PCDH9: variants seen among roughly 807,000 people sequenced by gnomAD.
PCDH9 encodes the protein protocadherin-9.
In PCDH9, 24 loss-of-function variants were observed where a neutral mutation model predicts 70.6. The observed-to-expected ratio is 0.34, with a 90% CI of 0.25 to 0.48. The LOEUF (loss-of-function observed/expected upper bound fraction) is 0.48. Among genes scored for constraint, PCDH9 ranks in the 20% least tolerant of loss-of-function variants. The pLI, the probability that PCDH9 is intolerant of heterozygous loss-of-function variation, is 0.99. For missense variants in PCDH9, 1,281 were observed against 1,503.6 expected (o/e 0.85, Z 2.45); for synonymous variants, 562 against 558.5 (o/e 1.01, Z -0.09).
chr13:67,076,275 T>C (rs536940878), intron 2 of PCDH9, among the ~76,000 whole-genome samples: 1 of 152,250 alleles, frequency 6.6e-6, no homozygotes, highest in African/African-American at 2.4e-5. Flanking sequence ...ATATGGAGAT[T>C]TAGCATAGTA....
chr13:66,423,366 CAA>C (rs140963895), intron 4 of PCDH9, among the ~76,000 whole-genome samples: 7 of 138,570 alleles, frequency 5.1e-5, no homozygotes, highest in African/African-American at 5.4e-5. Flanking sequence ...AGAGACACAG[CAA>C]AAAAAAAAAA....
intron 3 of PCDH9, among the ~76,000 whole-genome samples, chr13:66,877,421 C>T (rs2081836097): frequency 6.7e-6 from 1 of 150,046 alleles, no homozygotes; most frequent in South Asian, 2.1e-4. Context: ...AAACCTCAAA[C>T]TTTCAAAGGT....
At chr13:66,448,915 A>T (rs1273620607) in intron 4 of PCDH9, among the ~76,000 whole-genome samples, 1 of 152,136 alleles carries the variant, frequency 6.6e-6, no homozygotes, top group Non-Finnish European at 1.5e-5. Flanking sequence ...GATCATGCAA[A>T]CTTAGCCACA....
At chr13:66,328,210 T>C (rs1955879666) in intron 4 of PCDH9, among the ~76,000 whole-genome samples, 1 of 152,188 alleles carries the variant, frequency 6.6e-6, no homozygotes, top group South Asian at 2.1e-4. Context: ...CAAAATTCTT[T>C]ACCAGATTAT....
intron 3 of PCDH9, among the ~76,000 whole-genome samples, chr13:66,650,028 A>G (rs945732975): frequency 2.6e-5 from 4 of 151,940 alleles, no homozygotes; most frequent in African/African-American, 9.7e-5. Flanking sequence ...ACATACCACC[A>G]TAGAAAACCA....
intron 3 of PCDH9, among the ~76,000 whole-genome samples, chr13:66,652,008 C>A (rs757477913): frequency 6.6e-6 from 1 of 151,844 alleles, no homozygotes. Flanking sequence ...AATAACGTAC[C>A]GCAATACAAT....
intron 2 of PCDH9, among the ~76,000 whole-genome samples, chr13:67,005,242 A>G (rs9599171): frequency 3.0e-5 from 3 of 99,124 alleles, no homozygotes; most frequent in African/African-American, 1.1e-4. Context: ...TGATCTCTTT[A>G]AAAAAAAAAA....
intron 3 of PCDH9, among the ~76,000 whole-genome samples, chr13:66,848,048 T>A (rs1374888848): frequency 6.6e-6 from 1 of 152,224 alleles, no homozygotes; most frequent in African/African-American, 2.4e-5. Flanking sequence ...ATCTCTGATT[T>A]CTTATTACCC....
chr13:66,889,149 C>T (rs1425479081), intron 3 of PCDH9, among the ~76,000 whole-genome samples: 1 of 152,086 alleles, frequency 6.6e-6, no homozygotes, highest in African/African-American at 2.4e-5. Context: ...AAAGTACTAT[C>T]GTATTGAGAA....
At chr13:66,668,346 C>T (rs77661071) in intron 3 of PCDH9, among the ~76,000 whole-genome samples, 3,776 of 152,180 alleles carry the variant, frequency 0.025, 140 homozygotes, top group African/African-American at 0.078. Flanking sequence ...GTTTTTCCAA[C>T]CTTTCTTTGT....
At chr13:66,849,793 C>A (rs1272190372) in intron 3 of PCDH9, among the ~76,000 whole-genome samples, 1 of 152,094 alleles carries the variant, frequency 6.6e-6, no homozygotes, top group African/African-American at 2.4e-5. Flanking sequence ...TACCAATAGA[C>A]GCTGCTTTTA....
At chr13:66,456,757 C>T (rs984875148) in intron 4 of PCDH9, among the ~76,000 whole-genome samples, 1 of 151,966 alleles carries the variant, frequency 6.6e-6, no homozygotes, top group Non-Finnish European at 1.5e-5. Flanking sequence ...CAGCCTAATT[C>T]TTTCTTGTTT....
intron 2 of PCDH9, among the ~76,000 whole-genome samples, chr13:67,154,870 A>T (rs1034885874): frequency 5.9e-5 from 9 of 151,462 alleles, no homozygotes; most frequent in Non-Finnish European, 8.8e-5. Context: ...CACCCAGCAA[A>T]TTTTTTGTAT....
intron 4 of PCDH9, among the ~76,000 whole-genome samples, chr13:66,588,753 A>G (rs2076998143): frequency 6.6e-6 from 1 of 151,882 alleles, no homozygotes; most frequent in Non-Finnish European, 1.5e-5. Flanking sequence ...ATGAAATGCA[A>G]TATAGCTGAC....
At chr13:66,719,342 G>A (rs1346700657) in intron 3 of PCDH9, among the ~76,000 whole-genome samples, 1 of 152,134 alleles carries the variant, frequency 6.6e-6, no homozygotes, top group Non-Finnish European at 1.5e-5. Flanking sequence ...GCCCATTGTG[G>A]TGTTATTAAG....
At chr13:67,070,455 C>T (rs1282317374) in intron 2 of PCDH9, among the ~76,000 whole-genome samples, 1 of 152,194 alleles carries the variant, frequency 6.6e-6, no homozygotes, top group Non-Finnish European at 1.5e-5. Flanking sequence ...GAGGTATTAA[C>T]ACCTTACAGT....
intron 2 of PCDH9, chr13:67,224,753 A>C (rs555480511): frequency 2.1e-4 from 134 of 626,174 alleles, no homozygotes; most frequent in Non-Finnish European, 2.4e-4. Context: ...TTTTTGAAAG[A>C]GTATTTGGCC....
intron 3 of PCDH9, among the ~76,000 whole-genome samples, chr13:66,781,511 G>A (rs1046251342): frequency 6.6e-6 from 1 of 152,100 alleles, no homozygotes; most frequent in Admixed American, 6.5e-5. Context: ...GTAGAGGCTT[G>A]GTCTCTGAAG....
chr13:67,166,968 G>A (rs933171549), intron 2 of PCDH9, among the ~76,000 whole-genome samples: 2 of 152,170 alleles, frequency 1.3e-5, no homozygotes, highest in Non-Finnish European at 2.9e-5. Flanking sequence ...TCTTTACACA[G>A]TGCCATTAAT....
Sources: gnomAD v4.1 joint callset for allele counts (sites outside exome capture counted in the v4.1 genomes callset) on GRCh38, gnomAD v4.1.1 for gene constraint, MANE v1.5 for transcripts, NCBI Gene and HGNC (gene_info 2026-07-23, HGNC 2026-07-21) for gene names.